Variants in CTNNA2 observed in about 807,000 individuals in gnomAD.
CTNNA2 encodes the protein catenin alpha 2, also known as catenin alpha-2.
Under a neutral mutation model 101.0 loss-of-function variants are expected in CTNNA2, and 42 were observed. The ratio of observed to expected loss-of-function variants is 0.42; its 90% CI spans 0.32 to 0.54. The LOEUF (loss-of-function observed/expected upper bound fraction) is 0.54. Ranked by LOEUF, CTNNA2 falls within the 20% of genes least tolerant of loss-of-function variation. The pLI, the probability that CTNNA2 is intolerant of heterozygous loss-of-function variation, is 0.14. For missense variants in CTNNA2, 871 were observed against 1,223.1 expected, an observed-to-expected ratio of 0.71 and a Z score of 4.29; for synonymous variants, 450 against 456.4, an observed-to-expected ratio of 0.99 and a Z score of 0.18.
chr2:79,189,810 G>C (rs1014639369), intron 1 of CTNNA2, among the ~76,000 whole-genome samples: 73 of 152,154 alleles, frequency 4.8e-4, no homozygotes, highest in Non-Finnish European at 8.5e-4. Flanking sequence ...TTGAGGAAGG[G>C]TCCTGGGCTG....
intron 5 of CTNNA2, among the ~76,000 whole-genome samples, chr2:79,507,451 C>G (rs1204698278): frequency 6.6e-6 from 1 of 152,060 alleles, no homozygotes; most frequent in Admixed American, 6.6e-5. Context: ...CCCTTCCTCT[C>G]CTGATCTCTC....
chr2:79,877,365 A>G (rs1389439020), intron 6 of CTNNA2, among the ~76,000 whole-genome samples: 1 of 152,220 alleles, frequency 6.6e-6, no homozygotes, highest in Non-Finnish European at 1.5e-5. Flanking sequence ...TATTGAATTT[A>G]CAGACTGTAA....
At chr2:79,897,791 C>G (rs1684815908) in intron 6 of CTNNA2, among the ~76,000 whole-genome samples, 2 of 152,152 alleles carry the variant, frequency 1.3e-5, no homozygotes, top group East Asian at 3.9e-4. Flanking sequence ...AATCCAAGAT[C>G]AAAGTGCCAG....
At chr2:79,590,318 T>C (rs1216193799) in intron 1 of CTNNA2, among the ~76,000 whole-genome samples, 1 of 152,210 alleles carries the variant, frequency 6.6e-6, no homozygotes, top group Non-Finnish European at 1.5e-5. Context: ...TTTCAGGGAA[T>C]GAAACAATTG....
intron 9 of CTNNA2, among the ~76,000 whole-genome samples, chr2:80,535,286 C>G (rs980602038): frequency 6.6e-6 from 1 of 152,084 alleles, no homozygotes; most frequent in African/African-American, 2.4e-5. Context: ...TCTTCCATGT[C>G]TGTCATATAT....
At chr2:79,203,399 T>G (rs1674062431) in intron 2 of CTNNA2, among the ~76,000 whole-genome samples, 1 of 152,076 alleles carries the variant, frequency 6.6e-6, no homozygotes, top group African/African-American at 2.4e-5. Context: ...AAAGTAAATG[T>G]CAAAAAGCAC....
chr2:80,268,900 C>T (rs1673225843), intron 7 of CTNNA2, among the ~76,000 whole-genome samples: 1 of 152,138 alleles, frequency 6.6e-6, no homozygotes, highest in South Asian at 2.1e-4. Context: ...GCTGGGGGCT[C>T]CATACTCTCC....
At chr2:80,178,174 T>A (rs1705518470) in intron 7 of CTNNA2, among the ~76,000 whole-genome samples, 1 of 152,212 alleles carries the variant, frequency 6.6e-6, no homozygotes. Context: ...CATTTCCTCA[T>A]GTAACTTACT....
At chr2:79,313,198 G>A (rs981975499) in intron 3 of CTNNA2, among the ~76,000 whole-genome samples, 2 of 152,148 alleles carry the variant, frequency 1.3e-5, no homozygotes, top group South Asian at 2.1e-4. Context: ...CTTCATATGT[G>A]TGTAATTGCT....
At chr2:79,492,538 A>G (rs1004028417) in intron 4 of CTNNA2, among the ~76,000 whole-genome samples, 2 of 152,124 alleles carry the variant, frequency 1.3e-5, no homozygotes, top group Admixed American at 1.3e-4. Context: ...ATACTTGAAA[A>G]TATAATAAGA....
At chr2:79,896,949 G>A (rs1021700788) in intron 6 of CTNNA2, among the ~76,000 whole-genome samples, 3 of 152,190 alleles carry the variant, frequency 2.0e-5, no homozygotes, top group African/African-American at 7.2e-5. Flanking sequence ...GGGTTCATGA[G>A]GAGAGACGAA....
intron 1 of CTNNA2, among the ~76,000 whole-genome samples, chr2:79,630,165 C>A (rs560171127): frequency 2.6e-5 from 4 of 151,940 alleles, no homozygotes; most frequent in African/African-American, 9.7e-5. Flanking sequence ...ACCCTGGGAC[C>A]TGCTCTCCCC....
chr2:80,606,419 A>AGGATACAT (rs1698031680), intron 16 of CTNNA2, among the ~76,000 whole-genome samples: 1 of 134,774 alleles, frequency 7.4e-6, no homozygotes, highest in Non-Finnish European at 1.6e-5. Flanking sequence ...CACACCCCCC[A>AGGATACAT]GGATACATTT....
intron 3 of CTNNA2, among the ~76,000 whole-genome samples, chr2:79,811,000 G>T (rs1389916789): frequency 6.6e-6 from 1 of 151,260 alleles, no homozygotes; most frequent in Non-Finnish European, 1.5e-5. Context: ...GTGTGCATGT[G>T]TCTTTATAGC....
upstream of CTNNA2, among the ~76,000 whole-genome samples, chr2:79,511,211 G>T (rs546777169): frequency 1.3e-5 from 2 of 152,258 alleles, no homozygotes; most frequent in East Asian, 3.9e-4. Flanking sequence ...TCTGCCTCTG[G>T]AATGACACTG....
At chr2:79,285,998 C>T (rs1675565604) in intron 2 of CTNNA2, among the ~76,000 whole-genome samples, 1 of 149,686 alleles carries the variant, frequency 6.7e-6, no homozygotes, top group East Asian at 1.9e-4. Context: ...CATCCCTTTA[C>T]CATTATGTAA....
At chr2:79,446,350 T>C (rs1052946831) in intron 4 of CTNNA2, among the ~76,000 whole-genome samples, 1 of 152,108 alleles carries the variant, frequency 6.6e-6, no homozygotes, top group African/African-American at 2.4e-5. Context: ...AGGGTGGTTT[T>C]CTAAGGATTT....
At chr2:79,720,129 G>A (rs965850240) in intron 2 of CTNNA2, among the ~76,000 whole-genome samples, 3 of 152,106 alleles carry the variant, frequency 2.0e-5, no homozygotes, top group Non-Finnish European at 4.4e-5. Context: ...AGTTATCCCA[G>A]CACCATTTAT....
At chr2:80,295,511 G>A (rs1675666692) in intron 7 of CTNNA2, among the ~76,000 whole-genome samples, 1 of 152,154 alleles carries the variant, frequency 6.6e-6, no homozygotes, top group Admixed American at 6.5e-5. Flanking sequence ...AGAATGTCTG[G>A]AGGAATAGGA....
Sources: gnomAD v4.1 joint callset for allele counts (sites outside exome capture counted in the v4.1 genomes callset) on GRCh38, gnomAD v4.1.1 for gene constraint, MANE v1.5 for transcripts, NCBI Gene and HGNC (gene_info 2026-07-23, HGNC 2026-07-21) for gene names.